Variants in LIPA observed in about 807,000 individuals in gnomAD.
LIPA encodes the protein lipase A, lysosomal acid type.
LIPA carries 26 observed loss-of-function variants against 40.6 expected under a neutral mutation model. The observed-to-expected ratio is 0.64, with a 90% CI of 0.47 to 0.89. The LOEUF (loss-of-function observed/expected upper bound fraction) is 0.89. Ranked by LOEUF, LIPA falls within the 40% of genes least tolerant of loss-of-function variation. LIPA has a pLI of 0.00. For missense variants in LIPA, 455 were observed against 479.6 expected (o/e 0.95, Z 0.48); for synonymous variants, 188 against 168.4 (o/e 1.12, Z -0.90).
At chr10:89,357,139 T>G (rs1159846603) in intron 2 of LIPA, among the ~76,000 whole-genome samples, 1 of 152,188 alleles carries the variant, frequency 6.6e-6, no homozygotes, top group East Asian at 1.9e-4. Context: ...TTCCTATCAC[T>G]GTTGGAAATT....
intron 1 of LIPA, among the ~76,000 whole-genome samples, chr10:89,413,480 C>T (rs1405128916): frequency 6.6e-6 from 1 of 152,156 alleles, no homozygotes; most frequent in Non-Finnish European, 1.5e-5. Flanking sequence ...CATAGTGGCT[C>T]ATGCCTGTAA....
chr10:89,377,280 A>G (rs1844128505), intron 2 of LIPA, among the ~76,000 whole-genome samples: 1 of 152,164 alleles, frequency 6.6e-6, no homozygotes, highest in South Asian at 2.1e-4. Flanking sequence ...CATAAGGACA[A>G]CTCAGAAGAA....
chr10:89,377,109 G>T (rs1242020024), intron 2 of LIPA, among the ~76,000 whole-genome samples: 1 of 152,174 alleles, frequency 6.6e-6, no homozygotes, highest in African/African-American at 2.4e-5. Flanking sequence ...CAGAATAGCA[G>T]CTTTCCAAAT....
At chr10:89,329,423 G>A (rs1298529417) in intron 1 of LIPA, among the ~76,000 whole-genome samples, 1 of 152,186 alleles carries the variant, frequency 6.6e-6, no homozygotes, top group Non-Finnish European at 1.5e-5. Flanking sequence ...ACAGGGTCCT[G>A]TCTTTAGGTG....
intron 3 of LIPA, among the ~76,000 whole-genome samples, chr10:89,230,741 T>C (rs1842831440): frequency 3.9e-5 from 6 of 152,230 alleles, no homozygotes; most frequent in Non-Finnish European, 8.8e-5. Context: ...ATACACATTT[T>C]ATAGGACACA....
At chr10:89,400,643 G>C (rs1407847757) in intron 2 of LIPA, among the ~76,000 whole-genome samples, 2 of 152,108 alleles carry the variant, frequency 1.3e-5, no homozygotes, top group Non-Finnish European at 2.9e-5. Flanking sequence ...CAATTTTGCT[G>C]AATGTATTTG....
chr10:89,346,992 GT>G, upstream of LIPA, among the ~76,000 whole-genome samples: 1 of 152,106 alleles, frequency 6.6e-6, no homozygotes, highest in Non-Finnish European at 1.5e-5. Context: ...CTGCTGCATT[GT>G]TTTTTTCTAA....
intron 2 of LIPA, among the ~76,000 whole-genome samples, chr10:89,356,981 G>A (rs1055122768): frequency 4.6e-5 from 7 of 152,162 alleles, no homozygotes; most frequent in African/African-American, 7.2e-5. Context: ...GGGGGATGGG[G>A]CTGAAAGTTC....
intron 2 of LIPA, among the ~76,000 whole-genome samples, chr10:89,350,330 G>A (rs1376292169): frequency 3.1e-5 from 3 of 98,048 alleles, no homozygotes; most frequent in South Asian, 6.1e-4. Flanking sequence ...TTTTTAAGAC[G>A]GAGTCTTGCT....
At chr10:89,261,838 G>C (rs1428496708) in intron 1 of LIPA, among the ~76,000 whole-genome samples, 1 of 152,150 alleles carries the variant, frequency 6.6e-6, no homozygotes, top group Non-Finnish European at 1.5e-5. Flanking sequence ...CTCTATTGCT[G>C]CCCTGCAATG....
rs556867987 is a variant in LIPA, at chr10:89,263,977, C to A, written c.-1-16328G>T. Among the ~76,000 whole-genome samples the A allele has an allele frequency of 3.8e-4, 58 of 152,334 alleles. 1 individual carries two copies. Among genetic ancestry groups the A allele is most frequent in the African/African-American group, 1.2e-3 (49 of 41,584 alleles). ...CCACAAGCAGCTTCTCCTATGGACA[C>A]CCAAGTCTGGATAAGGGGAGTGTGC... On this transcript the variant is annotated intron_variant, in intron 1 of 5. Coordinates refer to the LIPA transcript ENST00000282673.
intron 2 of LIPA, among the ~76,000 whole-genome samples, chr10:89,412,228 C>A (rs1841474677): frequency 6.6e-6 from 1 of 152,154 alleles, no homozygotes; most frequent in Non-Finnish European, 1.5e-5. Context: ...GTGAAGCTGG[C>A]TGGGCTTCTG....
intron 1 of LIPA, chr10:89,338,249 AG>A (rs1179208450): frequency 6.1e-6 from 1 of 164,044 alleles, no homozygotes; most frequent in African/African-American, 2.4e-5. Flanking sequence ...CTGGAGACCA[AG>A]GAAAGTTGAT....
In LIPA at chr10:89,215,020, C is replaced by A; in HGVS notation, c.1008G>T (p.Pro336=). 6.2e-7 allele frequency: 1 copy of A among 1,614,078 alleles called. No individual in the cohort carries two copies. Among genetic ancestry groups the A allele is most frequent in the Non-Finnish European group, 8.5e-7 (1 of 1,179,936 alleles). ...CGTGACCCCCGCTCCAGACTGCAGT[C>A]GGCACAAGCATGTCCTTCACATTGT... ...PTYNVKDMLV[P]TAVWSGGHDW... is the part of the protein sequence containing the mutation. Residue 336 remains proline (P), a synonymous_variant, in exon 10 of 10, where the codon CCG becomes CCT. Transcript: ENST00000336233.
chr10:89,322,318 T>C (rs1257874462), intron 1 of LIPA, among the ~76,000 whole-genome samples: 1 of 152,172 alleles, frequency 6.6e-6, no homozygotes, highest in African/African-American at 2.4e-5. Flanking sequence ...CTAGTGAGCA[T>C]TGACCCTGCA....
chr10:89,280,831 G>T (rs1843310830), intron 1 of LIPA, among the ~76,000 whole-genome samples: 1 of 151,910 alleles, frequency 6.6e-6, no homozygotes, highest in Non-Finnish European at 1.5e-5. Context: ...TTCTGAAGTT[G>T]GTTTCAATGG....
Position 89,225,656 on chromosome 10 carries a change from C to T in LIPA, c.539-428G>A, listed in dbSNP as rs182728179. ...CCACCAATGATTTCAAAGGAACTCA[C>T]ACATTTAGAATCCCCTAGCTTTAAA... On this transcript the variant is annotated intron_variant, in intron 5 of 9. Coordinates refer to ENST00000336233, the MANE Select transcript of LIPA (RefSeq NM_000235.4). 1.3e-3 allele frequency among the ~76,000 whole-genome samples: 202 copies of T among 152,296 alleles called. 1 individual carries two copies. The highest frequency in any genetic ancestry group is 6.8e-3 in the Middle Eastern group (2 of 294).
At chr10:89,338,573 C>A in intron 1 of LIPA, 1 of 1,274,982 alleles carries the variant, frequency 7.8e-7, no homozygotes, top group Non-Finnish European at 1.1e-6. Context: ...ATCCTGTGGC[C>A]CAGTTCAATT....
chr10:89,314,424 C>G (rs1314677197), intron 1 of LIPA: 2 of 152,274 alleles, frequency 1.3e-5, no homozygotes, highest in African/African-American at 2.4e-5. Flanking sequence ...AATCCCAACA[C>G]TTTGGGAGGC....
Sources: allele counts gnomAD v4.1 joint callset (sites outside exome capture counted in the v4.1 genomes callset), GRCh38; gene constraint gnomAD v4.1.1; transcripts MANE v1.5; gene names NCBI Gene and HGNC (gene_info 2026-07-23, HGNC 2026-07-21).